The following LACTB2 variants were observed in gnomAD, a reference collection of about 807,000 sequenced individuals.
LACTB2 encodes lactamase beta 2, also known as endoribonuclease LACTB2.
A neutral mutation model predicts 34.8 loss-of-function variants in LACTB2; 32 were observed. That is an observed-to-expected ratio of 0.92 (90% confidence interval 0.69 to 1.24). LACTB2 has a LOEUF of 1.24. LACTB2 is among the 50% of genes most tolerant of loss of function. The probability of loss-of-function intolerance (pLI) is 0.00; values close to 1 mark genes in which losing one functional copy is unlikely to be tolerated. For synonymous variants in LACTB2, 120 were observed against 117.5 expected (o/e 1.02, Z -0.14); for missense variants, 320 against 345.0 (o/e 0.93, Z 0.57).
intron 3 of LACTB2, among the ~76,000 whole-genome samples, chr8:70,655,220 A>ATTTT (rs36122235): frequency 7.3e-6 from 1 of 137,298 alleles, no homozygotes. Flanking sequence ...ATTAATTCCT[A>ATTTT]TTTTTTTTTT....
At position 70,661,689 on chromosome 8, in the gene LACTB2, A is replaced by G. The variant is rs773381103; in HGVS notation, c.286+45T>C. The G allele has an allele frequency of 4.5e-6, 7 of 1,544,112 alleles. No homozygotes were observed. The South Asian group carries it at 4.7e-5, about 10-fold the overall frequency. Reference sequence around the variant, plus strand: ...CTGTAACTGAAATAAATTATTCTCCAAACACGGCTTTCCTCAATGAGCTTA... The same window carrying G: ...CTGTAACTGAAATAAATTATTCTCCGAACACGGCTTTCCTCAATGAGCTTA... On this transcript the variant is annotated intron_variant, in intron 2 of 6. Coordinates refer to ENST00000276590, the MANE Select transcript of LACTB2 (RefSeq NM_016027.3).
Position 70,644,054 on chromosome 8 carries a change from A to C in LACTB2, c.592+11T>G. ...AACATAAAAATATAAAAAAATTTAA[A>C]AATTACCCACCTGGATATATAATAT... is the stretch of plus-strand genomic sequence containing the variant. On this transcript the variant is annotated intron_variant, in intron 4 of 6. Transcript: ENST00000276590. 1 of 1,504,242 alleles carries C rather than the reference A, an allele frequency of 6.6e-7. No individual in the cohort carries two copies. Among genetic ancestry groups the C allele is most frequent in the Non-Finnish European group, 8.9e-7 (1 of 1,128,082 alleles). The allele number at this position is 1,504,242 out of a possible 1,614,324, so 93.2% of individuals were successfully genotyped here.
At chr8:70,657,963 A>G in intron 2 of LACTB2, 81 bp from the exon 3 acceptor site, 1 of 854,834 alleles carries the variant, frequency 1.2e-6, no homozygotes, top group Non-Finnish European at 1.7e-6. Context: ...TAGAGCTAAC[A>G]CTTGTGAATG....
intron 4 of LACTB2, among the ~76,000 whole-genome samples, chr8:70,642,256 A>C (rs565861568): frequency 8.4e-4 from 127 of 150,728 alleles, no homozygotes; most frequent in African/African-American, 2.9e-3. Flanking sequence ...AAACAAACAA[A>C]CCCCCCCAAA....
intron 2 of LACTB2, 37 bp downstream of exon 2, chr8:70,661,697 C>T (rs1324810510): frequency 5.7e-6 from 9 of 1,567,602 alleles, no homozygotes; most frequent in East Asian, 2.3e-5. Context: ...CCAAACACGG[C>T]TTTCCTCAAT....
At chr8:70,651,519 C>T in intron 3 of LACTB2, among the ~76,000 whole-genome samples, 1 of 151,620 alleles carries the variant, frequency 6.6e-6, no homozygotes, top group East Asian at 1.9e-4. Context: ...AACAGAACCC[C>T]AATCTTTCTT....
At chr8:70,652,316 C>T (rs896678854) in intron 3 of LACTB2, among the ~76,000 whole-genome samples, 6 of 152,106 alleles carry the variant, frequency 3.9e-5, no homozygotes, top group African/African-American at 1.2e-4. Context: ...AAAGGTTTTG[C>T]TTAAAATATT....
chr8:70,668,748 GT>G (rs990900411), intron 1 of LACTB2, among the ~76,000 whole-genome samples: 298 of 103,636 alleles, frequency 2.9e-3, no homozygotes, highest in African/African-American at 8.3e-3. Context: ...CAAAACAGAA[GT>G]TTTTTTTTTT....
intron 3 of LACTB2, among the ~76,000 whole-genome samples, chr8:70,650,733 C>T (rs192387): frequency 2.8e-5 from 1 of 35,214 alleles, no homozygotes; most frequent in Non-Finnish European, 5.0e-5. Flanking sequence ...GAGACTCCAT[C>T]TCAAAAAAAA....
chr8:70,643,455 T>C (rs561104414), intron 4 of LACTB2, among the ~76,000 whole-genome samples: 12 of 152,010 alleles, frequency 7.9e-5, no homozygotes, highest in Admixed American at 2.6e-4. Flanking sequence ...ACTCCTGACC[T>C]CAGGTGATCT....
chr8:70,637,695 T>C lies in LACTB2; in HGVS notation c.*165A>G, dbSNP rs1395974491. Reference sequence around the variant, plus strand: ...AGAAATAACCTATCATATGGTTGTATAGTGTAATTTACATATTTTAGCATA... The same window carrying C: ...AGAAATAACCTATCATATGGTTGTACAGTGTAATTTACATATTTTAGCATA... On this transcript the variant is annotated 3_prime_UTR_variant, in exon 7 of 7. Transcript: ENST00000276590. The C allele has an allele frequency of 1.5e-5, 6 of 410,958 alleles. No individual in the cohort carries two copies. The highest frequency in any genetic ancestry group is 1.8e-4 in the South Asian group (2 of 11,104). The allele number at this position is 410,958 out of a possible 1,614,324, so 25.5% of individuals were successfully genotyped here. A position where few individuals can be genotyped will look rare whatever the true frequency, so the allele number is the denominator to read the frequency against.
intron 5 of LACTB2, among the ~76,000 whole-genome samples, chr8:70,639,222 C>T (rs951499827): frequency 3.3e-5 from 5 of 149,716 alleles, no homozygotes; most frequent in African/African-American, 9.8e-5. Context: ...TGCAATGGCG[C>T]GATCTCGGCT....
At chr8:70,648,503 A>G (rs540596713) in intron 3 of LACTB2, among the ~76,000 whole-genome samples, 9 of 152,290 alleles carry the variant, frequency 5.9e-5, no homozygotes, top group African/African-American at 2.2e-4. Context: ...AACATGTAGT[A>G]AGATTAGGCG....
At chr8:70,638,415 G>T in intron 6 of LACTB2, 133 bp downstream of exon 6, 1 of 972,854 alleles carries the variant, frequency 1.0e-6, no homozygotes, top group Non-Finnish European at 1.4e-6. Flanking sequence ...CCTTCCTAGC[G>T]CCTGTCTCTC....
chr8:70,637,919 C>A lies in LACTB2; in HGVS notation c.824-16G>T. The A allele has an allele frequency of 6.7e-7, 1 of 1,486,138 alleles. No homozygotes were observed. The highest frequency in any genetic ancestry group is 1.4e-5 in the South Asian group (1 of 73,014). 92.1% of individuals were successfully genotyped at this position (1,486,138 alleles called of 1,614,324 possible). ...GTGTTGCTAACTGTAAAAAGAAAAT[C>A]AGAGAGTAAAAATTTAACAATAGAT... On this transcript the variant is annotated splice_polypyrimidine_tract_variant and intron_variant, in intron 6 of 6. Transcript: ENST00000276590.
chr8:70,660,619 T>C (rs1818469642), intron 2 of LACTB2: 1 of 456,368 alleles, frequency 2.2e-6, no homozygotes, highest in Non-Finnish European at 4.4e-6. Flanking sequence ...CATTCCACCA[T>C]CTTTGCTCCT....
chr8:70,654,471 T>C (rs17687068), intron 3 of LACTB2: 10,988 of 151,846 alleles, frequency 0.072, 468 homozygotes, highest in Non-Finnish European at 0.088. Context: ...AGGGGAGAGC[T>C]GGAGACAGTA....
At chr8:70,643,106 G>GA (rs1211561893) in intron 4 of LACTB2, among the ~76,000 whole-genome samples, 1 of 150,500 alleles carries the variant, frequency 6.6e-6, no homozygotes, top group Non-Finnish European at 1.5e-5. Flanking sequence ...ACTGTATGTT[G>GA]AAAAATAACC....
chr8:70,656,219 T>C (rs1206855517), intron 3 of LACTB2, among the ~76,000 whole-genome samples: 1 of 152,250 alleles, frequency 6.6e-6, no homozygotes, highest in Non-Finnish European at 1.5e-5. Flanking sequence ...TTGTTTTTAA[T>C]ACATTTGCTT....
Sources: allele counts gnomAD v4.1 joint callset (sites outside exome capture counted in the v4.1 genomes callset), GRCh38; gene constraint gnomAD v4.1.1; transcripts MANE v1.5; gene names NCBI Gene and HGNC (gene_info 2026-07-23, HGNC 2026-07-21).